RASSF6: variants seen among roughly 807,000 people sequenced by gnomAD.
RASSF6 encodes the protein Ras association domain family member 6, also known as ras association domain-containing protein 6.
In RASSF6, 52 loss-of-function variants were observed where a neutral mutation model predicts 44.0. The ratio of observed to expected loss-of-function variants is 1.18; its 90% confidence interval spans 0.95 to 1.49. The LOEUF is 1.49. RASSF6 is among the 40% of genes most tolerant of loss of function. The pLI is 0.00. For synonymous variants in RASSF6, 162 were observed against 124.6 expected (o/e 1.30, Z -2.00); for missense variants, 464 against 393.3 (o/e 1.18, Z -1.52).
At chr4:73,611,918 T>A in intron 1 of RASSF6, 89 bp from the exon 2 acceptor site, 1 of 871,096 alleles carries the variant, frequency 1.1e-6, no homozygotes, top group Non-Finnish European at 1.8e-6. Flanking sequence ...GTTGTGTCTC[T>A]AGAGTATAAG....
intron 8 of RASSF6, among the ~76,000 whole-genome samples, chr4:73,579,070 C>A (rs759840194): frequency 2.0e-5 from 3 of 152,294 alleles, no homozygotes; most frequent in Non-Finnish European, 4.4e-5. Flanking sequence ...AAAATGGGAT[C>A]TTTTATATAT....
At chr4:73,593,328 T>A (rs1160868321) in intron 4 of RASSF6, 123 bp downstream of exon 4, 1 of 1,009,608 alleles carries the variant, frequency 9.9e-7, no homozygotes, top group Non-Finnish European at 1.4e-6. Flanking sequence ...TGCTGGGAAA[T>A]TAAATGAGAT....
chr4:73,576,842 A>T (rs553997862), intron 8 of RASSF6, 111 bp from the exon 9 acceptor site: 3 of 685,408 alleles, frequency 4.4e-6, no homozygotes, highest in Admixed American at 2.6e-5. Flanking sequence ...AAAAAATAAC[A>T]CCTGCAACAG....
At chr4:73,619,851 T>G (rs1190310910) in intron 1 of RASSF6, among the ~76,000 whole-genome samples, 1 of 152,116 alleles carries the variant, frequency 6.6e-6, no homozygotes, top group African/African-American at 2.4e-5. Flanking sequence ...AAAGTTGAGC[T>G]GAACCCTCAA....
intron 4 of RASSF6, among the ~76,000 whole-genome samples, chr4:73,589,093 A>T (rs2149375712): frequency 6.6e-6 from 1 of 152,254 alleles, no homozygotes; most frequent in South Asian, 2.1e-4. Context: ...AATTCTTTTG[A>T]AGCGTGTTTT....
intron 3 of RASSF6, among the ~76,000 whole-genome samples, chr4:73,596,901 C>T (rs1489597582): frequency 5.3e-5 from 8 of 152,098 alleles, no homozygotes; most frequent in Non-Finnish European, 7.4e-5. Flanking sequence ...AAATGGTGCT[C>T]GGATAACTGG....
At chr4:73,591,701 T>G (rs1724574372) in intron 4 of RASSF6, among the ~76,000 whole-genome samples, 1 of 152,082 alleles carries the variant, frequency 6.6e-6, no homozygotes, top group African/African-American at 2.4e-5. Flanking sequence ...CCTAAGCTCC[T>G]TGGCAATCCT....
At chr4:73,582,914 G>A (rs565985658) in intron 6 of RASSF6, among the ~76,000 whole-genome samples, 1 of 152,208 alleles carries the variant, frequency 6.6e-6, no homozygotes, top group East Asian at 1.9e-4. Context: ...GAGAAGATGT[G>A]TGGAGAGTGT....
chr4:73,603,459 G>A (rs1725414655), intron 2 of RASSF6, among the ~76,000 whole-genome samples: 1 of 152,102 alleles, frequency 6.6e-6, no homozygotes, highest in Non-Finnish European at 1.5e-5. Context: ...TAGCCAAGGA[G>A]AGACTGACCT....
rs188095144 is a variant in RASSF6, at chr4:73,607,167, T to C, written c.65+4564A>G. The stretch of plus-strand genomic sequence containing the variant: ...CTAAATCCAGAGTATGTAGAATGTA[T>C]CTAATCATATCATCTGCTTTGTTAA... On this transcript the variant is annotated intron_variant, in intron 2 of 10. Transcript: ENST00000307439. Among the ~76,000 whole-genome samples the C allele has an allele frequency of 4.2e-4, 64 of 152,372 alleles. 2 individuals carry two copies. Among genetic ancestry groups the C allele is most frequent in the African/African-American group, 1.5e-3 (61 of 41,582 alleles).
At chr4:73,615,719 C>T (rs1396702473) in intron 1 of RASSF6, among the ~76,000 whole-genome samples, 3 of 152,158 alleles carry the variant, frequency 2.0e-5, no homozygotes, top group Non-Finnish European at 4.4e-5. Flanking sequence ...CTGGAGAAAT[C>T]AACAGCACTA....
intron 1 of RASSF6, among the ~76,000 whole-genome samples, chr4:73,615,431 G>A (rs964843004): frequency 1.3e-5 from 2 of 152,138 alleles, no homozygotes; most frequent in African/African-American, 4.8e-5. Flanking sequence ...GAATAGCAAC[G>A]AGGGAGAGAA....
chr4:73,592,022 T>A (rs1724598750), intron 4 of RASSF6, among the ~76,000 whole-genome samples: 1 of 152,188 alleles, frequency 6.6e-6, no homozygotes, highest in South Asian at 2.1e-4. Flanking sequence ...GGGTCAGAAA[T>A]GGCTTTCTGG....
Position 73,609,482 on chromosome 4 carries a change from C to T in RASSF6, c.65+2249G>A, listed in dbSNP as rs1047514804. On this transcript the variant is annotated intron_variant, in intron 2 of 10. Coordinates refer to ENST00000307439, the MANE Select transcript of RASSF6 (RefSeq NM_177532.5). ...TTCTCATCCAGTAGTGGGATATAAA[C>T]GTTATGTTTCCTACTATGCTATTAT... Among the ~76,000 whole-genome samples, 22 of 151,994 alleles carry T rather than the reference C, an allele frequency of 1.4e-4. 1 individual carries two copies. Among genetic ancestry groups the T allele is most frequent in the South Asian group, 6.2e-4 (3 of 4,814 alleles).
chr4:73,581,775 G>A (rs2272427), intron 8 of RASSF6, 42 bp downstream of exon 8: 97,975 of 1,375,910 alleles, frequency 0.071, 4,136 homozygotes, highest in East Asian at 0.19. Context: ...GCAAACTGTA[G>A]CACTCTAGAG....
intron 4 of RASSF6, among the ~76,000 whole-genome samples, chr4:73,591,182 TG>T (rs1724527674): frequency 2.0e-5 from 3 of 152,236 alleles, no homozygotes; most frequent in Admixed American, 1.3e-4. Flanking sequence ...TTGAGATGAT[TG>T]ATATGTTAAT....
At chr4:73,609,669 G>T (rs999277951) in intron 2 of RASSF6, among the ~76,000 whole-genome samples, 1 of 152,038 alleles carries the variant, frequency 6.6e-6, no homozygotes, top group African/African-American at 2.4e-5. Context: ...GCTAATTTTT[G>T]TCTTGTTTAC....
intron 3 of RASSF6, among the ~76,000 whole-genome samples, chr4:73,596,792 A>C (rs1438418857): frequency 1.3e-5 from 2 of 152,188 alleles, no homozygotes; most frequent in Non-Finnish European, 2.9e-5. Flanking sequence ...CTGATGGAAC[A>C]GAGTAGAGAA....
chr4:73,586,496 G>GC (rs938857120), intron 5 of RASSF6, among the ~76,000 whole-genome samples: 1 of 151,766 alleles, frequency 6.6e-6, no homozygotes, highest in African/African-American at 2.4e-5. Context: ...CCTGCCTTCT[G>GC]CCCCCCTTTC....
Sources: gnomAD v4.1 joint callset for allele counts (sites outside exome capture counted in the v4.1 genomes callset) on GRCh38, gnomAD v4.1.1 for gene constraint, MANE v1.5 for transcripts, NCBI Gene and HGNC (gene_info 2026-07-23, HGNC 2026-07-21) for gene names.